DIP2C: variants seen among roughly 807,000 people sequenced by gnomAD.
DIP2C encodes the protein disco-interacting protein 2 homolog C.
A neutral mutation model predicts 192.4 loss-of-function variants in DIP2C; 33 were observed. The observed-to-expected ratio is 0.17, with a 90% CI of 0.13 to 0.23. The LOEUF (loss-of-function observed/expected upper bound fraction) is 0.23, where lower values mean the gene tolerates loss of function less well. Ranked by LOEUF, DIP2C falls within the 10% of genes least tolerant of loss-of-function variation. The pLI is 1.00. For synonymous variants in DIP2C, 979 were observed against 864.1 expected (o/e 1.13, Z -2.33); for missense variants, 1,537 against 2,110.1 (o/e 0.73, Z 5.32).
chr10:353,282 G>GA (rs1010910190), intron 24 of DIP2C, among the ~76,000 whole-genome samples: 1 of 150,940 alleles, frequency 6.6e-6, no homozygotes, highest in Admixed American at 6.6e-5. Context: ...CAACTTGGGG[G>GA]AAAAAAAACC....
chr10:358,060 CCTT>C, intron 22 of DIP2C, 123 bp from the exon 23 acceptor site: 1 of 639,920 alleles, frequency 1.6e-6, no homozygotes, highest in Non-Finnish European at 2.7e-6. Flanking sequence ...TTTGAATAAA[CCTT>C]CTAAGAACAG....
intron 1 of DIP2C, among the ~76,000 whole-genome samples, chr10:615,954 TTAA>T (rs1251558259): frequency 6.6e-6 from 1 of 152,150 alleles, no homozygotes; most frequent in Non-Finnish European, 1.5e-5. Flanking sequence ...CCCGCTCACA[TTAA>T]TGACCACATG....
At chr10:499,172 T>G (rs1390905922) in intron 1 of DIP2C, among the ~76,000 whole-genome samples, 3 of 152,204 alleles carry the variant, frequency 2.0e-5, no homozygotes, top group Non-Finnish European at 2.9e-5. Flanking sequence ...CACGCGATGC[T>G]GACTGACTCC....
At chr10:660,899 G>C (rs1202224844) in intron 1 of DIP2C, among the ~76,000 whole-genome samples, 2 of 152,140 alleles carry the variant, frequency 1.3e-5, no homozygotes, top group African/African-American at 4.8e-5. Context: ...CATCCTCACA[G>C]CTAGCACATC....
At chr10:596,372 T>G (rs987927763) in intron 1 of DIP2C, among the ~76,000 whole-genome samples, 1 of 151,540 alleles carries the variant, frequency 6.6e-6, no homozygotes, top group African/African-American at 2.4e-5. Context: ...CGCAGGTGCC[T>G]GTAATCCCAG....
intron 1 of DIP2C, among the ~76,000 whole-genome samples, chr10:611,597 A>C (rs1853104019): frequency 6.6e-6 from 1 of 152,226 alleles, no homozygotes; most frequent in Admixed American, 6.5e-5. Context: ...CCTCTTTAGC[A>C]GCAGAAAAGC....
At chr10:512,708 G>GT (rs1343312745) in intron 1 of DIP2C, among the ~76,000 whole-genome samples, 1 of 152,188 alleles carries the variant, frequency 6.6e-6, no homozygotes, top group Non-Finnish European at 1.5e-5. Flanking sequence ...GAGGTCAGGA[G>GT]TTTGAGACCA....
chr10:546,046 C>T (rs1564836784), intron 1 of DIP2C, among the ~76,000 whole-genome samples: 1 of 152,092 alleles, frequency 6.6e-6, no homozygotes, highest in Non-Finnish European at 1.5e-5. Flanking sequence ...CTTTGGGAGG[C>T]CAAGGCAGAT....
In DIP2C at chr10:275,513, T is replaced by G. The variant is rs1203406512; in HGVS notation, c.*1812A>C. The G allele has an allele frequency of 6.9e-6, 1 of 145,348 alleles. No individual in the cohort carries two copies. The highest frequency in any genetic ancestry group is 2.6e-5 in the African/African-American group (1 of 38,858). 9.0% of individuals were successfully genotyped at this position (145,348 alleles called of 1,614,324 possible). On this transcript the variant is annotated 3_prime_UTR_variant, in exon 37 of 37. Transcript: ENST00000280886. ...TTTTAACAACAATCAGCCTTGGATC[T>G]CAGAAGTCAAACAAAACTCTTTTAG...
chr10:333,521 G>C (rs543033204), intron 29 of DIP2C, among the ~76,000 whole-genome samples: 1 of 152,102 alleles, frequency 6.6e-6, no homozygotes, highest in African/African-American at 2.4e-5. Flanking sequence ...ATGTGGACGT[G>C]GCAGGCGTCA....
intron 4 of DIP2C, among the ~76,000 whole-genome samples, chr10:429,047 CATT>C (rs1470730427): frequency 6.6e-6 from 1 of 152,094 alleles, no homozygotes; most frequent in Admixed American, 6.5e-5. Flanking sequence ...ACTGAAACAT[CATT>C]ATCACCCAAA....
intron 14 of DIP2C, among the ~76,000 whole-genome samples, chr10:386,037 G>A (rs1055737291): frequency 6.6e-6 from 1 of 152,204 alleles, no homozygotes; most frequent in Non-Finnish European, 1.5e-5. Flanking sequence ...GCACGGAGCA[G>A]GCAGGCTGGC....
chr10:537,653 A>G (rs952118482), intron 1 of DIP2C, among the ~76,000 whole-genome samples: 3 of 151,766 alleles, frequency 2.0e-5, no homozygotes, highest in East Asian at 3.9e-4. Flanking sequence ...CCCCATTAAC[A>G]TGACAACAGG....
chr10:399,021 A>G lies in DIP2C; in HGVS notation c.1260+88T>C, dbSNP rs896346415. 3.9e-5 allele frequency: 45 copies of G among 1,144,642 alleles called. 1 individual carries two copies. The Admixed American group carries it at 8.4e-4, about 21-fold the overall frequency. The allele number at this position is 1,144,642 out of a possible 1,614,324, so 70.9% of individuals were successfully genotyped here. ...GAAGGAAACCCAGGGCCCCAGAAAC[A>G]GCGAGGAGACCCTCACCCAGCCGGG... On this transcript the variant is annotated intron_variant, in intron 10 of 36. Transcript: ENST00000280886.
intron 1 of DIP2C, among the ~76,000 whole-genome samples, chr10:659,228 C>A (rs781002334): frequency 6.6e-6 from 1 of 152,184 alleles, no homozygotes; most frequent in Non-Finnish European, 1.5e-5. Context: ...CACATGTGTG[C>A]GATGTCATGC....
intron 34 of DIP2C, among the ~76,000 whole-genome samples, chr10:285,698 C>T (rs1189990083): frequency 6.6e-6 from 1 of 152,260 alleles, no homozygotes; most frequent in African/African-American, 2.4e-5. Flanking sequence ...CAAGGCCACA[C>T]AGCTCCACGA....
At chr10:396,405 C>G (rs999961286) in intron 10 of DIP2C, among the ~76,000 whole-genome samples, 2 of 152,134 alleles carry the variant, frequency 1.3e-5, no homozygotes, top group Non-Finnish European at 2.9e-5. Flanking sequence ...CTGGAGGACA[C>G]CAGGCTATAC....
chr10:510,691 C>G (rs528297584), intron 1 of DIP2C, among the ~76,000 whole-genome samples: 61 of 152,226 alleles, frequency 4.0e-4, no homozygotes, highest in Non-Finnish European at 8.2e-4. Flanking sequence ...GAAGCTGACA[C>G]CCCTGAGAGA....
intron 2 of DIP2C, among the ~76,000 whole-genome samples, chr10:484,056 T>TC (rs774406273): frequency 8.5e-5 from 13 of 152,150 alleles, no homozygotes; most frequent in Non-Finnish European, 1.6e-4. Flanking sequence ...GCAATCCCCT[T>TC]CCTCAGCCTC....
Sources: allele counts gnomAD v4.1 joint callset (sites outside exome capture counted in the v4.1 genomes callset), GRCh38; gene constraint gnomAD v4.1.1; transcripts MANE v1.5; gene names NCBI Gene and HGNC (gene_info 2026-07-23, HGNC 2026-07-21).